Variants in CAMK1D observed in about 807,000 individuals in gnomAD.
CAMK1D encodes the protein calcium/calmodulin-dependent protein kinase type 1D.
CAMK1D carries 9 observed loss-of-function variants against 47.7 expected under a neutral mutation model. The observed-to-expected ratio is 0.19, with a 90% CI of 0.11 to 0.33. CAMK1D has a LOEUF of 0.33. CAMK1D is among the 10% of genes least tolerant of loss of function. The probability of loss-of-function intolerance (pLI) is 1.00; values close to 1 mark genes in which losing one functional copy is unlikely to be tolerated. For missense variants in CAMK1D, 291 were observed against 488.7 expected (o/e 0.60, Z 3.81); for synonymous variants, 184 against 184.9 (o/e 0.99, Z 0.04).
At chr10:12,455,464 A>G (rs1056313003) in intron 1 of CAMK1D, among the ~76,000 whole-genome samples, 2 of 152,182 alleles carry the variant, frequency 1.3e-5, no homozygotes, top group Non-Finnish European at 2.9e-5. Flanking sequence ...ATGAGCCACT[A>G]TGTCCAGCCT....
intron 1 of CAMK1D, among the ~76,000 whole-genome samples, chr10:12,395,606 A>G (rs1252854136): frequency 6.6e-6 from 1 of 152,026 alleles, no homozygotes; most frequent in Non-Finnish European, 1.5e-5. Context: ...TTCTGGGGAA[A>G]ACTTACTGTA....
chr10:12,361,779 C>T (rs1004262545), intron 1 of CAMK1D, among the ~76,000 whole-genome samples: 4 of 151,900 alleles, frequency 2.6e-5, no homozygotes, highest in African/African-American at 9.7e-5. Context: ...TGGTCTCGAT[C>T]TCCTGACCTC....
At chr10:12,564,944 C>T (rs1012558694) in intron 2 of CAMK1D, among the ~76,000 whole-genome samples, 1 of 152,202 alleles carries the variant, frequency 6.6e-6, no homozygotes, top group Non-Finnish European at 1.5e-5. Flanking sequence ...CACAGTGTCT[C>T]ATGCCTGTAG....
Position 12,741,241 on chromosome 10 carries a change from A to G in CAMK1D, c.300-19707A>G, listed in dbSNP as rs117560747. Among the ~76,000 whole-genome samples, 142 of 152,222 alleles carry G rather than the reference A, an allele frequency of 9.3e-4. 2 individuals are homozygous for G. The East Asian group carries it at 0.026, about 28-fold the overall frequency. On this transcript the variant is annotated intron_variant, in intron 3 of 10. Coordinates refer to ENST00000619168, the MANE Select transcript of CAMK1D (RefSeq NM_153498.4). ...TCATCACCTCTCTGAGAGCCTGAGT[A>G]CTCTCAGATTTTCCCATATTCCTTT...
intron 5 of CAMK1D, among the ~76,000 whole-genome samples, chr10:12,789,987 G>A (rs913336311): frequency 4.6e-5 from 7 of 152,258 alleles, no homozygotes; most frequent in Non-Finnish European, 1.0e-4. Context: ...GCCAGACGCT[G>A]CTGGTCGCCA....
At chr10:12,677,814 C>T (rs914890674) in intron 3 of CAMK1D, among the ~76,000 whole-genome samples, 4 of 151,806 alleles carry the variant, frequency 2.6e-5, no homozygotes, top group Non-Finnish European at 4.4e-5. Flanking sequence ...GTGGTTTTGT[C>T]CTGTAGGAGT....
chr10:12,391,792 C>A (rs1264479982), intron 1 of CAMK1D, among the ~76,000 whole-genome samples: 1 of 152,178 alleles, frequency 6.6e-6, no homozygotes, highest in Non-Finnish European at 1.5e-5. Context: ...AGAACCGAAT[C>A]ATCCAGGACT....
At chr10:12,523,369 G>A (rs1488623170) in intron 1 of CAMK1D, among the ~76,000 whole-genome samples, 2 of 152,174 alleles carry the variant, frequency 1.3e-5, no homozygotes, top group South Asian at 2.1e-4. Flanking sequence ...CTGCAATCTC[G>A]GCACTTTGGG....
rs940500822 is a variant in CAMK1D, at chr10:12,834,825, G to A, written c.*5938G>A. On this transcript the variant is annotated 3_prime_UTR_variant, in exon 11 of 11. Transcript: ENST00000619168. The stretch of plus-strand genomic sequence containing the variant: ...TAATCTAGACAGATTCAGATTCCCA[G>A]GCTCTCCTGGAAGCCCTGCACTTCA... The A allele has an allele frequency of 2.0e-4, 30 of 152,144 alleles. No homozygotes were observed. Among genetic ancestry groups the A allele is most frequent in the Non-Finnish European group, 1.3e-4 (9 of 68,032 alleles). The allele number at this position is 152,144 out of a possible 1,614,324, so 9.4% of individuals were successfully genotyped here. A position where few individuals can be genotyped will look rare whatever the true frequency, so the allele number is the denominator to read the frequency against.
chr10:12,358,924 T>C (rs1837585642), intron 1 of CAMK1D, among the ~76,000 whole-genome samples: 2 of 152,164 alleles, frequency 1.3e-5, no homozygotes, highest in Non-Finnish European at 2.9e-5. Context: ...TGTTGGAAAT[T>C]GATTTTTTGG....
chr10:12,767,317 A>G (rs545143325), intron 4 of CAMK1D, among the ~76,000 whole-genome samples: 3 of 152,096 alleles, frequency 2.0e-5, no homozygotes, highest in Admixed American at 6.5e-5. Flanking sequence ...AGCTGGGATT[A>G]CAGGCGCCCG....
intron 2 of CAMK1D, among the ~76,000 whole-genome samples, chr10:12,560,335 C>G (rs1836896043): frequency 6.6e-6 from 1 of 151,848 alleles, no homozygotes; most frequent in African/African-American, 2.4e-5. Context: ...GGCGGATCAC[C>G]TGAGGTCAGG....
chr10:12,640,723 C>T (rs1386080479), intron 2 of CAMK1D, among the ~76,000 whole-genome samples: 2 of 152,146 alleles, frequency 1.3e-5, no homozygotes, highest in Non-Finnish European at 2.9e-5. Flanking sequence ...CCGAAGCTGT[C>T]ATCCGTGCCG....
chr10:12,752,729 T>C (rs1285995456), intron 3 of CAMK1D, among the ~76,000 whole-genome samples: 1 of 152,218 alleles, frequency 6.6e-6, no homozygotes, highest in Admixed American at 6.5e-5. Flanking sequence ...GCATATGTAA[T>C]TGAATAATTG....
intron 2 of CAMK1D, among the ~76,000 whole-genome samples, chr10:12,605,097 C>G (rs1407664948): frequency 6.6e-6 from 1 of 152,072 alleles, no homozygotes; most frequent in African/African-American, 2.4e-5. Flanking sequence ...CCATGTTATA[C>G]AGGATGGTCT....
At chr10:12,630,782 T>A (rs901610869) in intron 2 of CAMK1D, among the ~76,000 whole-genome samples, 1 of 152,092 alleles carries the variant, frequency 6.6e-6, no homozygotes, top group South Asian at 2.1e-4. Context: ...CCTCCGTACC[T>A]CCCTTCTTTG....
chr10:12,693,986 T>TACATATAATATATATAATATATATTAA lies in CAMK1D; in HGVS notation c.299+27177_299+27178insCATATAATATATATAATATATATTAAA, dbSNP rs1298919341. On this transcript the variant is annotated intron_variant, in intron 3 of 10. Coordinates refer to ENST00000619168, the MANE Select transcript of CAMK1D (RefSeq NM_153498.4). ...TATAAAATATATAATATATATTATATATACATATAATATATATAATATATA... is the reference window on the plus strand; with the variant it reads ...TATAAAATATATAATATATATTATATACATATAATATATATAATATATATTAAATACATATAATATATATAATATATA... 3.3e-3 allele frequency among the ~76,000 whole-genome samples: 259 copies of TACATATAATATATATAATATATATTAA among 78,572 alleles called. 8 individuals are homozygous for TACATATAATATATATAATATATATTAA. Among genetic ancestry groups the TACATATAATATATATAATATATATTAA allele is most frequent in the Non-Finnish European group, 5.0e-3 (221 of 44,566 alleles). 51.5% of individuals were successfully genotyped at this position (78,572 alleles called of 152,430 possible).
chr10:12,822,395 T>A (rs1757052), intron 8 of CAMK1D, among the ~76,000 whole-genome samples: 96,217 of 152,146 alleles, frequency 0.63, 32,010 homozygotes, highest in East Asian at 0.79. Flanking sequence ...GAAATGAGCA[T>A]GAAGCATTCC....
intron 3 of CAMK1D, among the ~76,000 whole-genome samples, chr10:12,680,604 G>GT (rs1840959169): frequency 6.6e-6 from 1 of 152,174 alleles, no homozygotes; most frequent in Non-Finnish European, 1.5e-5. Context: ...AATAACGCAT[G>GT]TTGGTGATGA....
Sources: gnomAD v4.1 joint callset for allele counts (sites outside exome capture counted in the v4.1 genomes callset) on GRCh38, gnomAD v4.1.1 for gene constraint, MANE v1.5 for transcripts, NCBI Gene and HGNC (gene_info 2026-07-23, HGNC 2026-07-21) for gene names.